SRPRB: variants seen among roughly 807,000 people sequenced by gnomAD.
SRPRB encodes the protein SRP receptor subunit beta.
Under a neutral mutation model 31.9 loss-of-function variants are expected in SRPRB, and 20 were observed. The observed-to-expected ratio is 0.63, with a 90% CI of 0.44 to 0.91. The LOEUF (loss-of-function observed/expected upper bound fraction) is 0.91, where lower values mean the gene tolerates loss of function less well. SRPRB is among the 40% of genes least tolerant of loss of function. The pLI is 0.00. For synonymous variants in SRPRB, 146 were observed against 132.8 expected (o/e 1.10, Z -0.68); for missense variants, 321 against 324.9 (o/e 0.99, Z 0.09).
downstream of SRPRB, among the ~76,000 whole-genome samples, chr3:133,823,494 C>T (rs1048819740): frequency 4.6e-5 from 7 of 152,210 alleles, no homozygotes; most frequent in African/African-American, 1.7e-4. Flanking sequence ...CTCAATGTCT[C>T]TTCTAATCAA....
upstream of SRPRB, among the ~76,000 whole-genome samples, chr3:133,801,346 G>A (rs1935058678): frequency 6.6e-6 from 1 of 152,144 alleles, no homozygotes; most frequent in African/African-American, 2.4e-5. Flanking sequence ...TCGTGCCCAC[G>A]GAGCTCCTGA....
chr3:133,826,453 T>A (rs1334066225), downstream of SRPRB: 1 of 152,570 alleles, frequency 6.6e-6, no homozygotes, highest in Non-Finnish European at 1.5e-5. Context: ...ATACGTTCAT[T>A]CACTGAGACC....
chr3:133,826,061 C>A (rs989956507), downstream of SRPRB: 2 of 152,216 alleles, frequency 1.3e-5, no homozygotes, highest in East Asian at 3.9e-4. Flanking sequence ...ATCAGGGAAC[C>A]AACAACTTCT....
chr3:133,806,192 C>T (rs1935154379), intron 1 of SRPRB, among the ~76,000 whole-genome samples, 190 bp downstream of exon 1: 1 of 152,170 alleles, frequency 6.6e-6, no homozygotes, highest in Admixed American at 6.5e-5. Flanking sequence ...AGGGGGATGC[C>T]GGGCAACCCC....
chr3:133,805,991 T>C lies in SRPRB; in HGVS notation c.143T>C (p.Leu48Pro). The C allele has an allele frequency of 1.2e-6, 2 of 1,613,140 alleles. No individual in the cohort carries two copies. The highest frequency in any genetic ancestry group is 1.7e-6 in the Non-Finnish European group (2 of 1,179,418). ...LSVVVAVLAV[L>P]LTLVFWKLIR... ...GTAGTGGTGGCGGTTCTTGCGGTGCTGCTGACGCTAGGTAAAAGGCGGCCG... is the reference window on the plus strand; with the variant it reads ...GTAGTGGTGGCGGTTCTTGCGGTGCCGCTGACGCTAGGTAAAAGGCGGCCG... Residue 48 changes from leucine to proline, a missense_variant, in exon 1 of 7, where the codon CTG becomes CCG. Coordinates refer to ENST00000678299, the MANE Select transcript of SRPRB (RefSeq NM_001379313.1).
chr3:133,826,605 G>A (rs921847386), downstream of SRPRB: 1 of 152,664 alleles, frequency 6.6e-6, no homozygotes, highest in African/African-American at 2.4e-5. Flanking sequence ...ACCACTTGGG[G>A]GTGTGCCCAT....
chr3:133,786,222 T>TAAAAAAAAAA (rs1553742153), intron 1 of SRPRB: 3 of 84,306 alleles, frequency 3.6e-5, no homozygotes, highest in Non-Finnish European at 4.8e-5. Flanking sequence ...AAAAATAAAT[T>TAAAAAAAAAA]AAAAAAAAAA....
chr3:133,805,762 C>G, upstream of SRPRB: 2 of 1,490,960 alleles, frequency 1.3e-6, no homozygotes, highest in Non-Finnish European at 1.8e-6. Context: ...TTAGGAACCA[C>G]CATTCGCGTG....
chr3:133,809,512 C>G (rs1285895134), intron 3 of SRPRB, among the ~76,000 whole-genome samples: 1 of 151,730 alleles, frequency 6.6e-6, no homozygotes, highest in Non-Finnish European at 1.5e-5. Context: ...TGATGACACT[C>G]TTTGTGGCCC....
chr3:133,819,676 G>C lies in SRPRB; in HGVS notation c.726G>C (p.Glu242Asp). The C allele has an allele frequency of 1.2e-6, 2 of 1,614,198 alleles. No homozygotes were observed. Among genetic ancestry groups the C allele is most frequent in the Non-Finnish European group, 1.7e-6 (2 of 1,180,046 alleles). ...FEFSQLPLKVEFLECSAKGGR... is the reference protein window; with the variant it reads ...FEFSQLPLKVDFLECSAKGGR... ...TCTCACAGTTGCCCCTCAAAGTGGA[G>C]TTCCTGGAGTGCAGTGCCAAGGGTG... is the stretch of plus-strand genomic sequence containing the variant. The change falls in exon 7 of 7, where the codon GAG becomes GAC. Residue 242 changes from glutamate to aspartate, a missense_variant. Glu to Asp is a conservative substitution (Grantham distance 45). Transcript: ENST00000678299.
chr3:133,804,095 C>CAAAAAA (rs1205426598), upstream of SRPRB, among the ~76,000 whole-genome samples: 4 of 58,230 alleles, frequency 6.9e-5, no homozygotes, highest in East Asian at 6.4e-4. Context: ...GACTCTGTCT[C>CAAAAAA]AAAAAAAAAA....
At chr3:133,806,249 C>T (rs557777906) in intron 1 of SRPRB, among the ~76,000 whole-genome samples, 5 of 152,228 alleles carry the variant, frequency 3.3e-5, no homozygotes, top group African/African-American at 9.7e-5. Context: ...TCTTCGTCAT[C>T]TGCCCTGTTA....
At chr3:133,798,392 A>C (rs1452815362) in intron 1 of SRPRB, among the ~76,000 whole-genome samples, 1 of 152,340 alleles carries the variant, frequency 6.6e-6, no homozygotes, top group East Asian at 1.9e-4. Flanking sequence ...CTTCTTGCTA[A>C]TATTTTCATG....
At chr3:133,816,574 T>C (rs1431971162) in intron 5 of SRPRB, among the ~76,000 whole-genome samples, 1 of 152,196 alleles carries the variant, frequency 6.6e-6, no homozygotes, top group Non-Finnish European at 1.5e-5. Flanking sequence ...GTTTTCTTTC[T>C]GTTAAACTGA....
At chr3:133,795,248 T>C (rs904899768) in intron 1 of SRPRB, 4 of 152,224 alleles carry the variant, frequency 2.6e-5, no homozygotes, top group African/African-American at 9.6e-5. Flanking sequence ...GTTTGGTTTA[T>C]GGTGACCCTG....
intron 4 of SRPRB, 47 bp downstream of exon 4, chr3:133,811,246 A>G (rs773621243): frequency 3.4e-5 from 53 of 1,581,586 alleles, no homozygotes; most frequent in African/African-American, 9.4e-5. Context: ...CTGTATCTGT[A>G]TATCAAAGCC....
rs532215695 is a variant in SRPRB at position 133,789,879 on chromosome 3, G to T, written c.-174+5735G>T. 6.1e-4 allele frequency: 54 copies of T among 88,958 alleles called. 2 individuals are homozygous for T. The highest frequency in any genetic ancestry group is 3.6e-3 in the South Asian group (11 of 3,084). The allele number at this position is 88,958 out of a possible 1,614,324, so 5.5% of individuals were successfully genotyped here. The stretch of plus-strand genomic sequence containing the variant: ...GCCAAAACAAAACGATCTCGTTTGC[G>T]TTTTTTTTTTTTTTTTTTTTTTTTT... On this transcript the variant is annotated intron_variant, in intron 1 of 7. Coordinates refer to the SRPRB transcript ENST00000466490.
At chr3:133,795,406 A>G (rs975683415) in intron 1 of SRPRB, 2 of 152,076 alleles carry the variant, frequency 1.3e-5, no homozygotes, top group Admixed American at 6.6e-5. Context: ...CTTCAACTGG[A>G]ATGACAAGAG....
upstream of SRPRB, among the ~76,000 whole-genome samples, chr3:133,805,311 C>T (rs976686217): frequency 2.0e-5 from 3 of 152,136 alleles, no homozygotes; most frequent in African/African-American, 7.2e-5. Flanking sequence ...TTTCCTTTAA[C>T]CACTCGCAGA....
Sources: allele counts gnomAD v4.1 joint callset (sites outside exome capture counted in the v4.1 genomes callset), GRCh38; gene constraint gnomAD v4.1.1; transcripts MANE v1.5; gene names NCBI Gene and HGNC (gene_info 2026-07-23, HGNC 2026-07-21).